NRXN1: variants seen among roughly 807,000 people sequenced by gnomAD.
The protein encoded by NRXN1 is neurexin 1, also known as neurexin-1.
NRXN1 carries 39 observed loss-of-function variants against 150.9 expected under a neutral mutation model. The ratio of observed to expected loss-of-function variants is 0.26; its 90% CI spans 0.20 to 0.34. NRXN1 has a LOEUF of 0.34. Ranked by LOEUF, NRXN1 falls within the 10% of genes least tolerant of loss-of-function variation. NRXN1 has a pLI of 1.00. For missense variants in NRXN1, 1,815 were observed against 1,949.9 expected, an observed-to-expected ratio of 0.93 and a Z score of 1.30; for synonymous variants, 924 against 757.0, an observed-to-expected ratio of 1.22 and a Z score of -3.62.
chr2:50,887,977 A>G (rs1680505711), intron 5 of NRXN1, among the ~76,000 whole-genome samples: 1 of 150,664 alleles, frequency 6.6e-6, no homozygotes, highest in African/African-American at 2.4e-5. Context: ...AAAAAAAAAA[A>G]GTAGAAGAGG....
chr2:50,638,278 T>C (rs749178893), intron 5 of NRXN1, among the ~76,000 whole-genome samples: 129 of 152,280 alleles, frequency 8.5e-4, no homozygotes, highest in Admixed American at 1.6e-3. Flanking sequence ...ATTATTTTTT[T>C]AGTTTCTAGT....
intron 17 of NRXN1, among the ~76,000 whole-genome samples, chr2:50,447,641 T>C (rs999380532): frequency 3.4e-5 from 5 of 145,858 alleles, no homozygotes; most frequent in Non-Finnish European, 6.0e-5. Context: ...GAAATCTCAC[T>C]TGGTTTCTAT....
rs6748703 is a variant in NRXN1 at position 50,939,838 on chromosome 2, C to A, written c.773-13883G>T. ...TGACATACATGTTCTGATTCCAGTG[C>A]GGATGTACATTTAGAAAATTCATCC... is the stretch of plus-strand genomic sequence containing the variant. On this transcript the variant is annotated intron_variant, in intron 2 of 22. Transcript: ENST00000401669. Among the ~76,000 whole-genome samples, 7 of 152,040 alleles carry A rather than the reference C, an allele frequency of 4.6e-5. No individual in the cohort carries two copies. The East Asian group carries it at 7.7e-4, about 17-fold the overall frequency.
At chr2:50,333,315 C>T (rs1343902221) in intron 17 of NRXN1, among the ~76,000 whole-genome samples, 3 of 152,150 alleles carry the variant, frequency 2.0e-5, no homozygotes, top group Non-Finnish European at 4.4e-5. Context: ...GTTGCCCTAC[C>T]TGCAAAATGG....
At chr2:50,057,666 T>C (rs1441179445) in intron 19 of NRXN1, among the ~76,000 whole-genome samples, 1 of 152,186 alleles carries the variant, frequency 6.6e-6, no homozygotes, top group Non-Finnish European at 1.5e-5. Flanking sequence ...ATCTGTAGAA[T>C]GAGGTAGTCA....
chr2:49,922,048 T>C lies in NRXN1; in HGVS notation c.4420A>G (p.Asn1474Asp). Reference protein sequence around the residue: ...HVDESRNYISNSAQSNGAVVK... With the variant: ...HVDESRNYISDSAQSNGAVVK... ...ACAGCCCCATTGGACTGTGCTGAGT[T>C]ACTGATGTAGTTTCGACTCTCGTCC... is the stretch of plus-strand genomic sequence containing the variant. The change falls in exon 23 of 23, where the codon AAC (asparagine) becomes GAC (aspartate). Residue 1474 changes from asparagine (N) to aspartate (D), a missense_variant. Physicochemically the swap from Asn to Asp is conservative, Grantham distance 23 (BLOSUM62 1). Coordinates refer to ENST00000401669, the MANE Select transcript of NRXN1 (RefSeq NM_001330078.2). 1 of 1,614,188 alleles carries C rather than the reference T, an allele frequency of 6.2e-7. No individual in the cohort carries two copies. Among genetic ancestry groups the C allele is most frequent in the Non-Finnish European group, 8.5e-7 (1 of 1,180,028 alleles).
chr2:50,543,000 A>T (rs2093422375), intron 9 of NRXN1, among the ~76,000 whole-genome samples: 1 of 152,188 alleles, frequency 6.6e-6, no homozygotes, highest in African/African-American at 2.4e-5. Flanking sequence ...ATTAATATTT[A>T]AACCTGGTTC....
chr2:50,828,802 A>G (rs951013282), intron 5 of NRXN1, among the ~76,000 whole-genome samples: 4 of 151,202 alleles, frequency 2.6e-5, no homozygotes, highest in African/African-American at 9.7e-5. Flanking sequence ...CCAGGCAGAG[A>G]CGCTCCTCAC....
At chr2:50,967,160 T>C (rs7605533) in intron 2 of NRXN1, among the ~76,000 whole-genome samples, 130,192 of 151,844 alleles carry the variant, frequency 0.86, 56,049 homozygotes, top group East Asian at 0.99. Flanking sequence ...CAATAGGCTG[T>C]GGCCTTTTGT....
intron 5 of NRXN1, among the ~76,000 whole-genome samples, chr2:50,862,305 A>G (rs563491581): frequency 6.6e-6 from 1 of 152,186 alleles, no homozygotes; most frequent in Non-Finnish European, 1.5e-5. Flanking sequence ...ATTCAGTGGT[A>G]TCATAAATTT....
chr2:50,798,319 A>G (rs551101127), intron 5 of NRXN1, among the ~76,000 whole-genome samples: 1 of 152,354 alleles, frequency 6.6e-6, no homozygotes, highest in South Asian at 2.1e-4. Context: ...TTGTATAATT[A>G]GAAAAAGCTT....
chr2:50,431,832 C>CT (rs139576204), intron 17 of NRXN1, among the ~76,000 whole-genome samples: 6,408 of 149,480 alleles, frequency 0.043, 446 homozygotes, highest in African/African-American at 0.15. Context: ...TGGTTCTCAA[C>CT]TTTTTTTTTT....
At chr2:50,993,355 T>C (rs1698823860) in intron 2 of NRXN1, among the ~76,000 whole-genome samples, 1 of 151,940 alleles carries the variant, frequency 6.6e-6, no homozygotes, top group Non-Finnish European at 1.5e-5. Context: ...GCCCCAAAGA[T>C]TTTTCGTGAA....
intron 17 of NRXN1, among the ~76,000 whole-genome samples, chr2:50,259,808 A>G (rs949472179): frequency 4.6e-5 from 7 of 151,812 alleles, no homozygotes; most frequent in African/African-American, 1.7e-4. Flanking sequence ...TGTCATTTGC[A>G]TGTTTACTAT....
intron 21 of NRXN1, among the ~76,000 whole-genome samples, chr2:49,964,551 G>A (rs1676602127): frequency 6.7e-6 from 1 of 150,056 alleles, no homozygotes; most frequent in Non-Finnish European, 1.5e-5. Context: ...TTGCACTTCA[G>A]CAAAAAAGCC....
intron 19 of NRXN1, among the ~76,000 whole-genome samples, chr2:50,059,463 T>C (rs1403792777): frequency 6.6e-6 from 1 of 152,058 alleles, no homozygotes; most frequent in African/African-American, 2.4e-5. Context: ...GTTCAGAAAA[T>C]TTTCAGCCTG....
chr2:50,829,260 G>GGGGAGA lies in NRXN1; in HGVS notation c.832+92603_832+92608dup, dbSNP rs370389449. Among the ~76,000 whole-genome samples, 561 of 150,600 alleles carry GGGGAGA rather than the reference G, an allele frequency of 3.7e-3. 1 individual carries two copies. Among genetic ancestry groups the GGGGAGA allele is most frequent in the Middle Eastern group, 0.01 (3 of 290 alleles). On this transcript the variant is annotated intron_variant, in intron 5 of 22. Coordinates refer to ENST00000401669, the MANE Select transcript of NRXN1 (RefSeq NM_001330078.2). ...GAGACCGTGGGGAGAGGGAGACCGT[G>GGGGAGA]GGGAGAGGGAGAGGGAGAGGGAGAG...
At chr2:50,293,636 T>C (rs528420141) in intron 17 of NRXN1, among the ~76,000 whole-genome samples, 1 of 152,092 alleles carries the variant, frequency 6.6e-6, no homozygotes, top group Admixed American at 6.5e-5. Context: ...CTGGTATAAG[T>C]AAAGGAGAAA....
intron 5 of NRXN1, among the ~76,000 whole-genome samples, chr2:50,657,412 C>T (rs1686650251): frequency 6.6e-6 from 1 of 152,042 alleles, no homozygotes; most frequent in Non-Finnish European, 1.5e-5. Context: ...ACTGAGTATA[C>T]CATAGTTAAT....
Sources: allele counts gnomAD v4.1 joint callset (sites outside exome capture counted in the v4.1 genomes callset), GRCh38; gene constraint gnomAD v4.1.1; transcripts MANE v1.5; gene names NCBI Gene and HGNC (gene_info 2026-07-23, HGNC 2026-07-21).